CTNND2: variants seen among roughly 807,000 people sequenced by gnomAD.
CTNND2 encodes the protein catenin delta-2.
A neutral mutation model predicts 144.4 loss-of-function variants in CTNND2; 22 were observed. That is an observed-to-expected ratio of 0.15 (90% CI 0.11 to 0.22). The LOEUF is 0.22. CTNND2 is among the 10% of genes least tolerant of loss of function. CTNND2 has a pLI of 1.00. For missense variants in CTNND2, 1,353 were observed against 1,618.8 expected (o/e 0.84, Z 2.82); for synonymous variants, 751 against 695.6 (o/e 1.08, Z -1.25).
intron 10 of CTNND2, among the ~76,000 whole-genome samples, chr5:11,227,630 C>G (rs1740503132): frequency 6.6e-6 from 1 of 152,078 alleles, no homozygotes; most frequent in African/African-American, 2.4e-5. Flanking sequence ...GTCTAGTAGA[C>G]AGGAACCAGT....
At chr5:11,756,668 ACACACT>A (rs139955794) in intron 1 of CTNND2, among the ~76,000 whole-genome samples, 1 of 112,350 alleles carries the variant, frequency 8.9e-6, no homozygotes, top group Admixed American at 9.6e-5. Context: ...ACACACACAC[ACACACT>A]TAACAGAAAT....
chr5:11,183,136 C>CA (rs1344347281), intron 11 of CTNND2, among the ~76,000 whole-genome samples: 4 of 152,024 alleles, frequency 2.6e-5, no homozygotes, highest in African/African-American at 9.7e-5. Context: ...TTATACATGA[C>CA]AAAAAAATTT....
intron 9 of CTNND2, among the ~76,000 whole-genome samples, chr5:11,281,068 CCAGA>C (rs1747061145): frequency 6.6e-6 from 1 of 152,210 alleles, no homozygotes; most frequent in South Asian, 2.1e-4. Flanking sequence ...ATGAAATCCT[CCAGA>C]CAAATTAACG....
At chr5:11,239,714 T>C (rs1742012743) in intron 9 of CTNND2, among the ~76,000 whole-genome samples, 1 of 152,212 alleles carries the variant, frequency 6.6e-6, no homozygotes, top group East Asian at 1.9e-4. Flanking sequence ...GGCCTGCCTC[T>C]GCTCCTGTCC....
chr5:11,455,869 C>G (rs1049910986), intron 3 of CTNND2, among the ~76,000 whole-genome samples: 5 of 152,056 alleles, frequency 3.3e-5, no homozygotes, highest in East Asian at 1.9e-4. Context: ...CTTGCTCAGG[C>G]GCCTTTGAGA....
At chr5:11,756,665 CACACACACTT>C (rs1303568431) in intron 1 of CTNND2, among the ~76,000 whole-genome samples, 3 of 150,966 alleles carry the variant, frequency 2.0e-5, no homozygotes, top group Non-Finnish European at 4.4e-5. Context: ...CACACACACA[CACACACACTT>C]AACAGAAATG....
At chr5:11,448,498 G>A (rs1178978138) in intron 3 of CTNND2, among the ~76,000 whole-genome samples, 3 of 151,896 alleles carry the variant, frequency 2.0e-5, no homozygotes, top group South Asian at 2.1e-4. Context: ...ATGTTTTATT[G>A]TCTGTCTGTG....
At chr5:11,113,267 T>C (rs1753190073) in intron 13 of CTNND2, among the ~76,000 whole-genome samples, 1 of 152,222 alleles carries the variant, frequency 6.6e-6, no homozygotes, top group Non-Finnish European at 1.5e-5. Flanking sequence ...GCTAAAATAC[T>C]AGTTGTAATA....
At chr5:10,981,635 G>A in intron 21 of CTNND2, 138 bp downstream of exon 21, 1 of 767,278 alleles carries the variant, frequency 1.3e-6, no homozygotes, top group Admixed American at 2.1e-5. Flanking sequence ...CAACAGGCGT[G>A]AGGAGAGGGC....
intron 3 of CTNND2, among the ~76,000 whole-genome samples, chr5:11,558,383 A>T (rs7724587): frequency 0.039 from 420 of 10,906 alleles, 5 homozygotes; most frequent in African/African-American, 0.061. Context: ...TGTGTGTGTG[A>T]CACACAAGGT....
chr5:11,424,486 CAT>C (rs1762617138), intron 3 of CTNND2, among the ~76,000 whole-genome samples: 1 of 151,972 alleles, frequency 6.6e-6, no homozygotes, highest in Non-Finnish European at 1.5e-5. Flanking sequence ...CATACACACA[CAT>C]CAGTGCATAT....
At chr5:11,096,522 C>T (rs1386615801) in intron 15 of CTNND2, among the ~76,000 whole-genome samples, 4 of 152,084 alleles carry the variant, frequency 2.6e-5, no homozygotes, top group African/African-American at 9.7e-5. Context: ...GCATAGTATT[C>T]CATGGTGTAA....
At chr5:11,338,283 C>A (rs1753916004) in intron 9 of CTNND2, among the ~76,000 whole-genome samples, 1 of 152,242 alleles carries the variant, frequency 6.6e-6, no homozygotes, top group South Asian at 2.1e-4. Context: ...GCCCAGAATG[C>A]CTGGAGCCCA....
intron 1 of CTNND2, among the ~76,000 whole-genome samples, chr5:11,754,132 T>A (rs1788776003): frequency 6.6e-6 from 1 of 151,672 alleles, no homozygotes; most frequent in African/African-American, 2.4e-5. Flanking sequence ...ACCTCCAAGA[T>A]TTGTTGATCC....
chr5:11,353,825 T>G (rs1341320152), intron 8 of CTNND2, among the ~76,000 whole-genome samples: 1 of 152,016 alleles, frequency 6.6e-6, no homozygotes, highest in Non-Finnish European at 1.5e-5. Context: ...AAACATTGTA[T>G]TATCATTTTC....
chr5:11,130,571 G>T (rs1411030955), intron 12 of CTNND2, among the ~76,000 whole-genome samples: 2 of 152,164 alleles, frequency 1.3e-5, no homozygotes, highest in African/African-American at 4.8e-5. Flanking sequence ...TAAATTACAA[G>T]GAAATCAGAG....
chr5:11,524,527 G>T (rs1773039284), intron 3 of CTNND2, among the ~76,000 whole-genome samples: 1 of 152,088 alleles, frequency 6.6e-6, no homozygotes, highest in Non-Finnish European at 1.5e-5. Context: ...GGTGACACAG[G>T]GAACCCTGCA....
chr5:11,645,711 G>A (rs1322470052), intron 2 of CTNND2, among the ~76,000 whole-genome samples: 1 of 151,910 alleles, frequency 6.6e-6, no homozygotes, highest in Non-Finnish European at 1.5e-5. Context: ...TTTTAGACCA[G>A]GGAAATAAAA....
Position 11,364,865 on chromosome 5 carries a change from G to A in CTNND2, c.1203C>T (p.Ser401=). The stretch of plus-strand genomic sequence containing the variant: ...ACTCTGGGCCCAGGTGCCCATGCTG[G>A]CTGCTGTATGAGGCTCGGGAACCAG... ...LAAGSRASYS[S]QHGHLGPELR... The change falls in exon 8 of 22, where the codon AGC becomes AGT. Residue 401 remains serine (S), a synonymous_variant. Coordinates refer to ENST00000304623, the MANE Select transcript of CTNND2 (RefSeq NM_001332.4). 1 of 1,612,564 alleles carries A rather than the reference G, an allele frequency of 6.2e-7. No individual in the cohort carries two copies. The highest frequency in any genetic ancestry group is 8.5e-7 in the Non-Finnish European group (1 of 1,179,274).
Sources: allele counts gnomAD v4.1 joint callset (sites outside exome capture counted in the v4.1 genomes callset), GRCh38; gene constraint gnomAD v4.1.1; transcripts MANE v1.5; gene names NCBI Gene and HGNC (gene_info 2026-07-23, HGNC 2026-07-21).